RRM2: variants seen among roughly 807,000 people sequenced by gnomAD.
RRM2 encodes the protein ribonucleoside-diphosphate reductase subunit M2.
In RRM2, 6 loss-of-function variants were observed where a neutral mutation model predicts 45.9. That is an observed-to-expected ratio of 0.13 (90% confidence interval 0.07 to 0.26). RRM2 has a LOEUF of 0.26. Ranked by LOEUF, RRM2 falls within the 10% of genes least tolerant of loss-of-function variation. The pLI, the probability that RRM2 is intolerant of heterozygous loss-of-function variation, is 1.00. For missense variants in RRM2, 343 were observed against 489.5 expected (o/e 0.70, Z 2.82); for synonymous variants, 177 against 173.0 (o/e 1.02, Z -0.18).
In RRM2 at chr2:10,204,075, C is replaced by T. The variant is rs369396157; in HGVS notation, n.483-6236C>T. ...GCATACTTTAGCCTTCTAGCACACT[C>T]CTCTCTTCCCCTAAAATTAGCCAAG... On this transcript the variant is annotated intron_variant and non_coding_transcript_variant, in intron 3 of 3. Transcript: ENST00000381786. The surrounding 1 kb of genome is among the most constrained non-coding windows in gnomAD (Gnocchi z 4.0). Among the ~76,000 whole-genome samples the T allele has an allele frequency of 4.6e-5, 7 of 152,078 alleles. No homozygotes were observed. The East Asian group carries it at 7.7e-4, about 17-fold the overall frequency.
rs1263816890 is a variant in RRM2, at chr2:10,169,144, T to C, written n.482+26769T>C. ...CATGTCACCATGCCCAGCTACTTTT[T>C]GTATTTTTTTTTTTTTTTGTAGAGA... On this transcript the variant is annotated intron_variant and non_coding_transcript_variant, in intron 3 of 3. Transcript: ENST00000381786. The surrounding 1 kb of genome is among the most constrained non-coding windows in gnomAD (Gnocchi z 5.1). 9.3e-5 allele frequency among the ~76,000 whole-genome samples: 11 copies of C among 118,860 alleles called. No homozygotes were observed. In the Admixed American group the frequency reaches 1.0e-3, roughly 11 times the overall value. 78.0% of individuals were successfully genotyped at this position (118,860 alleles called of 152,430 possible). A position where few individuals can be genotyped will look rare whatever the true frequency, so the allele number is the denominator to read the frequency against.
At chr2:10,147,667 T>G (rs762051038) in intron 3 of RRM2, among the ~76,000 whole-genome samples, 1 of 152,254 alleles carries the variant, frequency 6.6e-6, no homozygotes, top group Non-Finnish European at 1.5e-5. Flanking sequence ...CTTGAATTCC[T>G]TTTTCAATAG....
In RRM2 at chr2:10,122,902, G is replaced by C. The variant is rs375810774; in HGVS notation, c.99+5G>C. 1.3e-6 allele frequency: 2 copies of C among 1,577,176 alleles called. No homozygotes were observed. The highest frequency in any genetic ancestry group is 1.7e-6 in the Non-Finnish European group (2 of 1,164,026). On this transcript the variant is annotated splice_donor_5th_base_variant and intron_variant, in intron 1 of 9. Coordinates refer to ENST00000304567, the MANE Select transcript of RRM2 (RefSeq NM_001034.4). ...TTGGTCGACAAGGAGAACACGGTGA[G>C]CCCGCGGGGAGGGCGCTGCGGGCAG...
chr2:10,168,042 T>TTTG (rs1558395100), intron 3 of RRM2, among the ~76,000 whole-genome samples: 1 of 151,386 alleles, frequency 6.6e-6, no homozygotes, highest in African/African-American at 2.4e-5. Context: ...TTCTGTTTTT[T>TTTG]TTTTTTTTTT....
At chr2:10,181,765 T>TC in intron 3 of RRM2, among the ~76,000 whole-genome samples, 1 of 94,810 alleles carries the variant, frequency 1.1e-5, no homozygotes, top group African/African-American at 5.2e-5. Flanking sequence ...TTTTTTTTTT[T>TC]TTTTTTTTTT....
At chr2:10,175,196 A>G (rs1259707977) in intron 3 of RRM2, among the ~76,000 whole-genome samples, 1 of 152,264 alleles carries the variant, frequency 6.6e-6, no homozygotes, top group Non-Finnish European at 1.5e-5. Flanking sequence ...GAGCATGGCC[A>G]GTGCCCAGAG....
intron 3 of RRM2, among the ~76,000 whole-genome samples, chr2:10,167,950 T>C (rs552709774): frequency 6.6e-6 from 1 of 152,084 alleles, no homozygotes; most frequent in Non-Finnish European, 1.5e-5. Flanking sequence ...GGAAAAGCTC[T>C]TCCTCTACCT....
chr2:10,181,782 A>T (rs1035121), intron 3 of RRM2, among the ~76,000 whole-genome samples: 26,234 of 50,622 alleles, frequency 0.52, 6,986 homozygotes, highest in South Asian at 0.75. Flanking sequence ...TTTTTTTTTT[A>T]AGACAGGGTC....
chr2:10,200,334 G>A (rs1247320316), intron 3 of RRM2, among the ~76,000 whole-genome samples: 1 of 152,142 alleles, frequency 6.6e-6, no homozygotes, highest in East Asian at 1.9e-4. Flanking sequence ...GATAACCTGG[G>A]GTTCCTGGCC....
chr2:10,197,076 G>A (rs549486593), intron 3 of RRM2, among the ~76,000 whole-genome samples: 1 of 152,312 alleles, frequency 6.6e-6, no homozygotes, highest in South Asian at 2.1e-4. Context: ...CCGTGCCTCT[G>A]CCCCTACCCC....
intron 3 of RRM2, among the ~76,000 whole-genome samples, chr2:10,161,599 C>T (rs893858017): frequency 6.6e-6 from 1 of 152,100 alleles, no homozygotes; most frequent in South Asian, 2.1e-4. Flanking sequence ...AACACAGCCA[C>T]ACACACACAT....
chr2:10,201,872 T>C (rs1318869398), intron 3 of RRM2, among the ~76,000 whole-genome samples: 3 of 152,268 alleles, frequency 2.0e-5, no homozygotes, highest in Admixed American at 1.3e-4. Flanking sequence ...GACAATATTT[T>C]CTGTATAATT....
At chr2:10,166,568 C>T (rs1384572000) in intron 3 of RRM2, among the ~76,000 whole-genome samples, 1 of 152,254 alleles carries the variant, frequency 6.6e-6, no homozygotes, top group Non-Finnish European at 1.5e-5. Flanking sequence ...ATCTTCCACA[C>T]TGCCCCTGGG....
exon 4 of RRM2, chr2:10,210,819 T>G: frequency 2.8e-6 from 1 of 361,968 alleles, no homozygotes; most frequent in South Asian, 2.2e-5. Flanking sequence ...TGGGAGGTGG[T>G]TAGGCCGTGA....
chr2:10,128,555 G>C (rs984939408), intron 7 of RRM2, among the ~76,000 whole-genome samples: 6 of 152,218 alleles, frequency 3.9e-5, no homozygotes, highest in African/African-American at 1.4e-4. Context: ...AAAGATCACT[G>C]AGTGAAGCTC....
upstream of RRM2, among the ~76,000 whole-genome samples, chr2:10,139,360 G>A (rs1171412658): frequency 6.6e-6 from 1 of 152,206 alleles, no homozygotes; most frequent in African/African-American, 2.4e-5. Flanking sequence ...GAATGCCAGG[G>A]GCAGCAGAGG....
chr2:10,134,170 CAAAAAAAAA>C (rs35568069), downstream of RRM2, among the ~76,000 whole-genome samples: 8 of 101,502 alleles, frequency 7.9e-5, no homozygotes, highest in South Asian at 2.3e-3. Flanking sequence ...AACTCCATCT[CAAAAAAAAA>C]AAAAAAAAAA....
At chr2:10,184,387 C>T (rs1429641456) in intron 3 of RRM2, among the ~76,000 whole-genome samples, 5 of 152,358 alleles carry the variant, frequency 3.3e-5, no homozygotes, top group East Asian at 1.9e-4. Flanking sequence ...GCCAACTCTC[C>T]TGGGAGTGGG....
intron 3 of RRM2, among the ~76,000 whole-genome samples, chr2:10,200,508 G>A (rs1462368343): frequency 4.8e-5 from 1 of 20,640 alleles, no homozygotes; most frequent in African/African-American, 2.0e-4. Flanking sequence ...CACAAAATAT[G>A]AGGCCCACAG....
Sources: allele counts gnomAD v4.1 joint callset (sites outside exome capture counted in the v4.1 genomes callset), GRCh38; gene constraint gnomAD v4.1.1; non-coding constraint Gnocchi (gnomAD v3.1); transcripts MANE v1.5; gene names NCBI Gene and HGNC (gene_info 2026-07-23, HGNC 2026-07-21).